Variants in DISC1 observed in about 807,000 individuals in gnomAD.
DISC1 encodes DISC1 scaffold protein.
Under a neutral mutation model 84.5 loss-of-function variants are expected in DISC1, and 57 were observed. That is an observed-to-expected ratio of 0.67 (90% confidence interval 0.55 to 0.84). The LOEUF (loss-of-function observed/expected upper bound fraction) is 0.84. DISC1 is among the 40% of genes least tolerant of loss of function. DISC1 has a pLI of 0.00. For synonymous variants in DISC1, 411 were observed against 415.2 expected (o/e 0.99, Z 0.12); for missense variants, 1,000 against 1,057.8 (o/e 0.95, Z 0.76).
intron 12 of DISC1, among the ~76,000 whole-genome samples, chr1:232,026,808 G>A (rs1669519896): frequency 7.1e-6 from 1 of 140,558 alleles, no homozygotes; most frequent in South Asian, 2.3e-4. Context: ...GAGTGCAATG[G>A]TGTGATCTCA....
intron 9 of DISC1, among the ~76,000 whole-genome samples, chr1:231,856,350 C>T (rs1232939341): frequency 6.6e-6 from 1 of 151,986 alleles, no homozygotes; most frequent in African/African-American, 2.4e-5. Context: ...TTCTGCTTCC[C>T]CTCTGTTCTC....
rs570057801 is a variant in DISC1 at position 231,701,918 on chromosome 1, T to A, written c.1048-37T>A. On this transcript the variant is annotated intron_variant, in intron 2 of 12. Transcript: ENST00000439617. The stretch of plus-strand genomic sequence containing the variant: ...ACAAAAATGTTTGCTTGAATTCTAT[T>A]GTAATTTTTTATTTTTTCCCCTTTA... The A allele has an allele frequency of 9.2e-6, 14 of 1,529,674 alleles. No homozygotes were observed. In the South Asian group the frequency reaches 1.7e-4, roughly 18 times the overall value. The allele number at this position is 1,529,674 out of a possible 1,614,324, so 94.8% of individuals were successfully genotyped here. A position where few individuals can be genotyped will look rare whatever the true frequency, so the allele number is the denominator to read the frequency against.
chr1:231,657,649 A>C (rs2061221325), intron 1 of DISC1, among the ~76,000 whole-genome samples: 1 of 151,928 alleles, frequency 6.6e-6, no homozygotes, highest in Non-Finnish European at 1.5e-5. Context: ...TCTTGAATTG[A>C]TTTTTGCTTA....
At chr1:231,768,875 G>A (rs1488353983) in intron 5 of DISC1, among the ~76,000 whole-genome samples, 1 of 152,204 alleles carries the variant, frequency 6.6e-6, no homozygotes, top group Non-Finnish European at 1.5e-5. Flanking sequence ...GGACCCAACA[G>A]TTCAAAGAGG....
intron 6 of DISC1, among the ~76,000 whole-genome samples, chr1:231,784,223 A>T (rs11122335): frequency 0.15 from 22,884 of 151,150 alleles, 1,904 homozygotes; most frequent in Non-Finnish European, 0.18. Context: ...AGATCGCACC[A>T]TTGCACTCCA....
At chr1:231,755,090 A>AATTC (rs1309503315) in intron 4 of DISC1, among the ~76,000 whole-genome samples, 2 of 152,182 alleles carry the variant, frequency 1.3e-5, no homozygotes, top group Admixed American at 1.3e-4. Flanking sequence ...ATTTTTAATA[A>AATTC]ATTCATTCTT....
chr1:231,661,217 G>C (rs2061540797), intron 1 of DISC1, among the ~76,000 whole-genome samples: 1 of 151,400 alleles, frequency 6.6e-6, no homozygotes, highest in Non-Finnish European at 1.5e-5. Context: ...ATGATTATGT[G>C]TCTGGGGGTT....
At chr1:231,672,719 C>T (rs1289022378) in intron 1 of DISC1, among the ~76,000 whole-genome samples, 2 of 152,190 alleles carry the variant, frequency 1.3e-5, no homozygotes, top group East Asian at 3.9e-4. Context: ...AAATTTCTGC[C>T]TTTCAGACAG....
chr1:231,713,779 GATATATATAT>G (rs370490354), intron 3 of DISC1, among the ~76,000 whole-genome samples: 3 of 103,944 alleles, frequency 2.9e-5, no homozygotes, highest in South Asian at 3.1e-4. Flanking sequence ...ATATATAGGA[GATATATATAT>G]AGGAGATATA....
At chr1:231,802,286 A>G (rs1013894521) in intron 8 of DISC1, among the ~76,000 whole-genome samples, 7 of 152,194 alleles carry the variant, frequency 4.6e-5, no homozygotes, top group African/African-American at 1.7e-4. Flanking sequence ...TGTTTTCGTG[A>G]TAGTGAGTGA....
At chr1:231,741,638 G>C (rs1045722764) in intron 3 of DISC1, among the ~76,000 whole-genome samples, 2 of 152,176 alleles carry the variant, frequency 1.3e-5, no homozygotes, top group African/African-American at 4.8e-5. Context: ...AGCTGGTGGA[G>C]CAGGGAGCCT....
At position 232,036,674 on chromosome 1, in the gene DISC1, C is replaced by A; in HGVS notation, c.2426-18C>A. 6.4e-7 allele frequency: 1 copy of A among 1,570,418 alleles called. No homozygotes were observed. Among genetic ancestry groups the A allele is most frequent in the Non-Finnish European group, 8.7e-7 (1 of 1,148,944 alleles). Reference sequence around the variant, plus strand: ...GGCCACGATCACCTTCGAATGTGCTCCTTAACAATGTGCCCACAGTCTCTC... The same window carrying A: ...GGCCACGATCACCTTCGAATGTGCTACTTAACAATGTGCCCACAGTCTCTC... On this transcript the variant is annotated intron_variant, in intron 12 of 12. Transcript: ENST00000439617.
At chr1:231,677,544 C>T (rs2063275189) in intron 1 of DISC1, among the ~76,000 whole-genome samples, 1 of 152,200 alleles carries the variant, frequency 6.6e-6, no homozygotes, top group Non-Finnish European at 1.5e-5. Context: ...AAAGAACAAA[C>T]ATTTCATGAT....
intron 1 of DISC1, among the ~76,000 whole-genome samples, chr1:231,642,162 C>T (rs1021939771): frequency 4.6e-5 from 7 of 152,328 alleles, no homozygotes; most frequent in African/African-American, 1.7e-4. Flanking sequence ...CTAAGCCCTT[C>T]ACTGCCCGGG....
intron 10 of DISC1, among the ~76,000 whole-genome samples, chr1:231,976,743 G>C (rs1662867170): frequency 6.6e-6 from 1 of 152,136 alleles, no homozygotes; most frequent in South Asian, 2.1e-4. Flanking sequence ...TTTTAAAAAT[G>C]GAATATTTAA....
intron 9 of DISC1, among the ~76,000 whole-genome samples, chr1:231,903,266 A>G (rs1341836076): frequency 6.6e-6 from 1 of 151,870 alleles, no homozygotes; most frequent in Non-Finnish European, 1.5e-5. Context: ...TCAGATTTAG[A>G]GCCTCCCCTA....
intron 9 of DISC1, among the ~76,000 whole-genome samples, chr1:231,951,956 T>C (rs1018415186): frequency 2.6e-5 from 4 of 151,646 alleles, no homozygotes; most frequent in Non-Finnish European, 5.9e-5. Context: ...CTGACTCAGC[T>C]ATTCAAGTCT....
chr1:231,918,938 A>G (rs923300298), intron 9 of DISC1, among the ~76,000 whole-genome samples: 5 of 152,336 alleles, frequency 3.3e-5, no homozygotes, highest in Admixed American at 6.5e-5. Context: ...TGTTTGCTAC[A>G]TTCCATTCCC....
intron 7 of DISC1, among the ~76,000 whole-genome samples, chr1:231,795,816 G>A (rs907804947): frequency 6.6e-6 from 1 of 152,120 alleles, no homozygotes; most frequent in African/African-American, 2.4e-5. Context: ...TTTAACCCAG[G>A]TGGTTGAGGT....
Sources: gnomAD v4.1 joint callset for allele counts (sites outside exome capture counted in the v4.1 genomes callset) on GRCh38, gnomAD v4.1.1 for gene constraint, MANE v1.5 for transcripts, NCBI Gene and HGNC (gene_info 2026-07-23, HGNC 2026-07-21) for gene names.